DACT2: variants seen among roughly 807,000 people sequenced by gnomAD.
The protein encoded by DACT2 is dishevelled binding antagonist of beta catenin 2, also known as dapper homolog 2.
DACT2 carries 20 observed loss-of-function variants against 22.2 expected under a neutral mutation model. The observed-to-expected ratio is 0.90, with a 90% CI of 0.63 to 1.31. DACT2 has a LOEUF of 1.31. DACT2 is among the 50% of genes most tolerant of loss of function. The pLI is 0.00. For missense variants in DACT2, 1,048 were observed against 1,061.4 expected, an observed-to-expected ratio of 0.99 and a Z score of 0.18; for synonymous variants, 463 against 479.8, an observed-to-expected ratio of 0.96 and a Z score of 0.46.
rs200833162 is a variant in DACT2 at position 168,294,561 on chromosome 6, A to ATGTGTG, written c.730+66_730+71dup. The ATGTGTG allele has an allele frequency of 2.4e-4, 105 of 431,024 alleles. 1 individual carries two copies. The highest frequency in any genetic ancestry group is 1.2e-3 in the South Asian group (21 of 18,046). 26.7% of individuals were successfully genotyped at this position (431,024 alleles called of 1,614,324 possible). A position where few individuals can be genotyped will look rare whatever the true frequency, so the allele number is the denominator to read the frequency against. ...TATAATAAAATATGTGTGTGTGTGTATGTGTGTGTGTGTGTGTATATATAT... is the reference window on the plus strand; with the variant it reads ...TATAATAAAATATGTGTGTGTGTGTATGTGTGTGTGTGTGTGTGTGTGTATATATAT... On this transcript the variant is annotated intron_variant, in intron 4 of 5. Coordinates refer to the DACT2 transcript ENST00000366796.
In DACT2 at chr6:168,308,595, C is replaced by T. The variant is rs140583763; in HGVS notation, c.1162G>A (p.Asp388Asn). 2 of 1,546,124 alleles carry T rather than the reference C, an allele frequency of 1.3e-6. No homozygotes were observed. The highest frequency in any genetic ancestry group is 4.9e-5 in the East Asian group (2 of 40,908). Residue 388 changes from aspartate to asparagine, a missense_variant, in exon 4 of 4, where the codon GAC becomes AAC. By Grantham distance (23) the Asp-to-Asn change is conservative. Coordinates refer to ENST00000366795, the MANE Select transcript of DACT2 (RefSeq NM_214462.5). The stretch of plus-strand genomic sequence containing the variant: ...CTGCTCTGAGCTGGCCCTCCCTCGT[C>T]CTCCCTCCCTGGGGCGAAGACCAGC... ...RLLVFAPGRE[D>N]EGGPAQSRGA...
At position 168,310,284 on chromosome 6, in the gene DACT2, T is replaced by C; in HGVS notation, c.542A>G (p.Glu181Gly). ...GGGTCTCCACGCTGGCACAGTAGTC[T>C]CATCAACCGACCGGGGCCTCCAGTC... ...MGDWRPRSVD[E>G]TTVPAWRPQA... Residue 181 changes from glutamate to glycine, a missense_variant, in exon 3 of 4, where the codon GAG (glutamate) becomes GGG (glycine). By Grantham distance (98) the Glu-to-Gly change is moderately conservative. Transcript: ENST00000366795. The C allele has an allele frequency of 6.4e-7, 1 of 1,551,476 alleles. No individual in the cohort carries two copies. The highest frequency in any genetic ancestry group is 8.7e-7 in the Non-Finnish European group (1 of 1,146,970).
At chr6:168,294,474 C>G (rs955175860) in intron 4 of DACT2, among the ~76,000 whole-genome samples, 2 of 148,984 alleles carry the variant, frequency 1.3e-5, no homozygotes, top group Admixed American at 1.3e-4. Flanking sequence ...CCCCGCTCCC[C>G]CCACCCCACA....
At chr6:168,314,284 G>T (rs1436325974) in intron 1 of DACT2, among the ~76,000 whole-genome samples, 1 of 152,154 alleles carries the variant, frequency 6.6e-6, no homozygotes, top group Non-Finnish European at 1.5e-5. Flanking sequence ...CCTTGCTCAC[G>T]GTGTGCTCTG....
At position 168,307,231 on chromosome 6, in the gene DACT2, C is replaced by T; in HGVS notation, c.*201G>A. On this transcript the variant is annotated 3_prime_UTR_variant, in exon 4 of 4. Transcript: ENST00000366795. The surrounding 1 kb of genome is among the most constrained non-coding windows in gnomAD (Gnocchi z 5.3). ...GCTGCTGGCATCTGAAACCAGAGCTCCGCATGGAAGTCTTTGCTGGGGCGG... is the reference window on the plus strand; with the variant it reads ...GCTGCTGGCATCTGAAACCAGAGCTTCGCATGGAAGTCTTTGCTGGGGCGG... 1 of 1,412,604 alleles carries T rather than the reference C, an allele frequency of 7.1e-7. No individual in the cohort carries two copies. Among genetic ancestry groups the T allele is most frequent in the South Asian group, 1.6e-5 (1 of 63,680 alleles). The allele number at this position is 1,412,604 out of a possible 1,614,324, so 87.5% of individuals were successfully genotyped here.
chr6:168,304,815 C>T (rs1304352715), downstream of DACT2, among the ~76,000 whole-genome samples: 2 of 152,246 alleles, frequency 1.3e-5, no homozygotes, highest in African/African-American at 4.8e-5. Flanking sequence ...AGCTGTCCTC[C>T]TGTCCTGGGC....
intron 2 of DACT2, 79 bp from the exon 3 acceptor site, chr6:168,310,525 G>C: frequency 6.7e-7 from 1 of 1,495,578 alleles, no homozygotes; most frequent in African/African-American, 1.4e-5. Context: ...AGCTTGTCAC[G>C]GCACAGGTGG....
chr6:168,313,149 C>G (rs973292168), intron 1 of DACT2, among the ~76,000 whole-genome samples: 2 of 152,212 alleles, frequency 1.3e-5, no homozygotes, highest in Non-Finnish European at 2.9e-5. Flanking sequence ...CGGGTTCAAG[C>G]CATTCTCTTG....
intron 1 of DACT2, among the ~76,000 whole-genome samples, chr6:168,315,134 C>G (rs1197413678): frequency 6.6e-6 from 1 of 152,256 alleles, no homozygotes; most frequent in African/African-American, 2.4e-5. Flanking sequence ...GGAATTGTTG[C>G]AAGCTGCCAC....
chr6:168,293,478 T>TAA (rs11412578), exon 6 of DACT2: 10 of 161,856 alleles, frequency 6.2e-5, no homozygotes, highest in South Asian at 3.7e-4. Context: ...GAAGGGGCTT[T>TAA]AAAAAAAAAT....
At chr6:168,319,315 C>G in intron 1 of DACT2, 73 bp downstream of exon 1, 1 of 1,162,194 alleles carries the variant, frequency 8.6e-7, no homozygotes, top group African/African-American at 1.6e-5. Context: ...CACTAACACA[C>G]AGTCGCTGCC....
intron 1 of DACT2, among the ~76,000 whole-genome samples, chr6:168,316,019 T>C (rs1779535452): frequency 6.6e-6 from 1 of 152,234 alleles, no homozygotes; most frequent in African/African-American, 2.4e-5. Flanking sequence ...TTTGATCACA[T>C]AATCTGTCCC....
chr6:168,294,091 G>C (rs1778957456), intron 5 of DACT2: 2 of 702,986 alleles, frequency 2.8e-6, no homozygotes, highest in Non-Finnish European at 5.2e-6. Flanking sequence ...CAGTTGTGCA[G>C]CTAGACCCGA....
rs1779230743 is a variant in DACT2 at position 168,307,252 on chromosome 6, G to A, written c.*180C>T. The A allele has an allele frequency of 4.2e-6, 6 of 1,422,742 alleles. No homozygotes were observed. Among genetic ancestry groups the A allele is most frequent in the Non-Finnish European group, 5.5e-6 (6 of 1,094,826 alleles). The allele number at this position is 1,422,742 out of a possible 1,614,324, so 88.1% of individuals were successfully genotyped here. On this transcript the variant is annotated 3_prime_UTR_variant, in exon 4 of 4. Coordinates refer to ENST00000366795, the MANE Select transcript of DACT2 (RefSeq NM_214462.5). This position sits in a 1 kb window ranked among gnomAD's most constrained non-coding sequence, Gnocchi z 5.3. Reference sequence around the variant, plus strand: ...AGCTCCGCATGGAAGTCTTTGCTGGGGCGGGGACTCACGGCCATACTCCAC... The same window carrying A: ...AGCTCCGCATGGAAGTCTTTGCTGGAGCGGGGACTCACGGCCATACTCCAC...
Position 168,311,615 on chromosome 6 carries a change from AAC to A in DACT2, c.247-333_247-332del, listed in dbSNP as rs199973638. On this transcript the variant is annotated intron_variant, in intron 1 of 3. Coordinates refer to ENST00000366795, the MANE Select transcript of DACT2 (RefSeq NM_214462.5). ...ACACACATACACACACACTCACACA[AAC>A]ACACACACACCCATCCACACACACA... 3.4e-3 allele frequency among the ~76,000 whole-genome samples: 165 copies of A among 48,268 alleles called. No individual in the cohort carries two copies. In the South Asian group the frequency reaches 0.04, roughly 12 times the overall value. 31.7% of individuals were successfully genotyped at this position (48,268 alleles called of 152,430 possible). A position where few individuals can be genotyped will look rare whatever the true frequency, so the allele number is the denominator to read the frequency against.
chr6:168,312,368 T>C (rs1243298413), intron 1 of DACT2, among the ~76,000 whole-genome samples: 3 of 152,200 alleles, frequency 2.0e-5, no homozygotes, highest in Non-Finnish European at 4.4e-5. Context: ...TGCTAATTTT[T>C]GTATTTTTTG....
Position 168,310,456 on chromosome 6 carries a change from G to A in DACT2, c.380-10C>T. The A allele has an allele frequency of 6.5e-7, 1 of 1,541,304 alleles. No homozygotes were observed. Among genetic ancestry groups the A allele is most frequent in the Non-Finnish European group, 8.7e-7 (1 of 1,144,256 alleles). On this transcript the variant is annotated splice_polypyrimidine_tract_variant and intron_variant, in intron 2 of 3. Transcript: ENST00000366795. ...CTCATCTCGTAAAAGCCTGGACGGA[G>A]CAGACAAGGCAGGTCAGTGACCCCC... is the stretch of plus-strand genomic sequence containing the variant.
Position 168,319,334 on chromosome 6 carries a change from A to T in DACT2, c.246+54T>A, listed in dbSNP as rs943940849. 20 of 1,182,564 alleles carry T rather than the reference A, an allele frequency of 1.7e-5. No homozygotes were observed. The African/African-American group carries it at 2.9e-4, about 17-fold the overall frequency. The allele number at this position is 1,182,564 out of a possible 1,614,324, so 73.3% of individuals were successfully genotyped here. A position where few individuals can be genotyped will look rare whatever the true frequency, so the allele number is the denominator to read the frequency against. On this transcript the variant is annotated intron_variant, in intron 1 of 3. Coordinates refer to ENST00000366795, the MANE Select transcript of DACT2 (RefSeq NM_214462.5). ...AACACACAGTCGCTGCCGAAGGAGC[A>T]GCGCCTGTGGCCCGCACACCTCGCA...
At chr6:168,313,174 G>C (rs999911078) in intron 1 of DACT2, among the ~76,000 whole-genome samples, 2 of 152,146 alleles carry the variant, frequency 1.3e-5, no homozygotes, top group African/African-American at 2.4e-5. Flanking sequence ...AGCCTCCCGA[G>C]TAGCTGGTAC....
Sources: allele counts gnomAD v4.1 joint callset (sites outside exome capture counted in the v4.1 genomes callset), GRCh38; gene constraint gnomAD v4.1.1; non-coding constraint Gnocchi (gnomAD v3.1); transcripts MANE v1.5; gene names NCBI Gene and HGNC (gene_info 2026-07-23, HGNC 2026-07-21).